Variants in STK38L observed in about 807,000 individuals in gnomAD.
STK38L encodes serine/threonine-protein kinase 38-like.
In STK38L, 28 loss-of-function variants were observed where a neutral mutation model predicts 59.7. That is an observed-to-expected ratio of 0.47 (90% CI 0.35 to 0.64). The LOEUF is 0.64. Ranked by LOEUF, STK38L falls within the 30% of genes least tolerant of loss-of-function variation. The pLI is 0.01. For missense variants in STK38L, 314 were observed against 555.8 expected, an observed-to-expected ratio of 0.56 and a Z score of 4.37; for synonymous variants, 162 against 176.8, an observed-to-expected ratio of 0.92 and a Z score of 0.66.
At chr12:27,301,170 A>G (rs574390100) in intron 2 of STK38L, among the ~76,000 whole-genome samples, 13 of 152,360 alleles carry the variant, frequency 8.5e-5, no homozygotes, top group African/African-American at 2.6e-4. Flanking sequence ...CAGCTTAACT[A>G]ACTTCAAGGG....
At chr12:27,316,688 A>G (rs1051629300) in intron 9 of STK38L, among the ~76,000 whole-genome samples, 2 of 152,238 alleles carry the variant, frequency 1.3e-5, no homozygotes, top group African/African-American at 4.8e-5. Context: ...AAGATTTTAT[A>G]TGAATTAAGA....
chr12:27,282,457 G>T (rs1221370984), intron 1 of STK38L, among the ~76,000 whole-genome samples: 2 of 152,010 alleles, frequency 1.3e-5, no homozygotes, highest in Non-Finnish European at 2.9e-5. Flanking sequence ...GCTTACAAAA[G>T]AAATAGTTAC....
intron 3 of STK38L, among the ~76,000 whole-genome samples, chr12:27,304,434 T>C (rs1307499865): frequency 6.6e-6 from 1 of 152,122 alleles, no homozygotes; most frequent in Non-Finnish European, 1.5e-5. Context: ...ATACTAAAGG[T>C]GGTAACTTTG....
chr12:27,277,062 T>C (rs1943551577), intron 1 of STK38L, among the ~76,000 whole-genome samples: 1 of 152,204 alleles, frequency 6.6e-6, no homozygotes, highest in Non-Finnish European at 1.5e-5. Context: ...TCTAAATATG[T>C]ATAACCCACC....
chr12:27,250,728 C>T (rs1254736531), intron 1 of STK38L, among the ~76,000 whole-genome samples: 5 of 151,922 alleles, frequency 3.3e-5, no homozygotes, highest in Non-Finnish European at 5.9e-5. Flanking sequence ...AGGCCGGGCG[C>T]GGTGACTCAC....
chr12:27,275,792 G>GTGTA (rs1943522812), intron 1 of STK38L, among the ~76,000 whole-genome samples: 1 of 152,172 alleles, frequency 6.6e-6, no homozygotes, highest in African/African-American at 2.4e-5. Context: ...TATGGTCACA[G>GTGTA]TGTACCATTA....
intron 1 of STK38L, among the ~76,000 whole-genome samples, chr12:27,269,392 T>G (rs1000904213): frequency 6.6e-6 from 1 of 152,226 alleles, no homozygotes; most frequent in Admixed American, 6.5e-5. Flanking sequence ...TTTCCCCATT[T>G]CTTGTTTTTG....
At chr12:27,316,690 G>A (rs886174723) in intron 9 of STK38L, among the ~76,000 whole-genome samples, 5 of 152,148 alleles carry the variant, frequency 3.3e-5, no homozygotes, top group Admixed American at 3.3e-4. Context: ...GATTTTATAT[G>A]AATTAAGAAT....
chr12:27,270,808 C>G (rs1943407647), intron 1 of STK38L, among the ~76,000 whole-genome samples: 1 of 152,192 alleles, frequency 6.6e-6, no homozygotes, highest in South Asian at 2.1e-4. Context: ...ACCACCATGC[C>G]TGGCTTGAAT....
In STK38L at chr12:27,324,446, A is replaced by G. The variant is rs764081639; in HGVS notation, c.*1991A>G. ...AATTGCAACATTGTCTAGTTCTAGT[A>G]TGGTAACTATTCTTGAAATGGTATT... On this transcript the variant is annotated 3_prime_UTR_variant, in exon 14 of 14. Transcript: ENST00000389032. 2.6e-5 allele frequency: 4 copies of G among 152,096 alleles called. No homozygotes were observed. Among genetic ancestry groups the G allele is most frequent in the Non-Finnish European group, 4.4e-5 (3 of 67,962 alleles). 9.4% of individuals were successfully genotyped at this position (152,096 alleles called of 1,614,324 possible).
At position 27,302,138 on chromosome 12, in the gene STK38L, C is replaced by A; in HGVS notation, c.136C>A (p.Gln46Lys). ...ILQHEERETR[Q>K]KKLEVAMEEE... Reference sequence around the variant, plus strand: ...TTAATTTTTTTTTCCTTTGAAAAGGCAGAAGAAATTAGAAGTGGCCATGGA... The same window carrying A: ...TTAATTTTTTTTTCCTTTGAAAAGGAAGAAGAAATTAGAAGTGGCCATGGA... Residue 46 changes from glutamine (Q) to lysine (K), a missense_variant and splice_region_variant, in exon 3 of 14, where the codon CAG becomes AAG. Around this residue, in one of 3 missense-constraint regions of STK38L, gnomAD observed 192 missense variants for 316.9 expected, o/e 0.61. Transcript: ENST00000389032. 1 of 1,598,894 alleles carries A rather than the reference C, an allele frequency of 6.3e-7. No individual in the cohort carries two copies.
At chr12:27,252,736 T>C (rs1290401832) in intron 1 of STK38L, among the ~76,000 whole-genome samples, 2 of 152,166 alleles carry the variant, frequency 1.3e-5, no homozygotes, top group Non-Finnish European at 2.9e-5. Context: ...GAGTGGAAAA[T>C]TTTAGTACTG....
chr12:27,306,535 G>A (rs1336027882), intron 3 of STK38L, among the ~76,000 whole-genome samples: 1 of 151,710 alleles, frequency 6.6e-6, no homozygotes, highest in African/African-American at 2.4e-5. Context: ...TGCAAAAAAG[G>A]GTATTTGTCA....
intron 1 of STK38L, among the ~76,000 whole-genome samples, chr12:27,267,223 G>A (rs568385492): frequency 1.3e-5 from 2 of 152,112 alleles, no homozygotes; most frequent in South Asian, 4.2e-4. Context: ...TGTCACATAT[G>A]AGAATATAAA....
At chr12:27,272,280 T>C (rs1159878437) in intron 1 of STK38L, among the ~76,000 whole-genome samples, 3 of 152,220 alleles carry the variant, frequency 2.0e-5, no homozygotes, top group African/African-American at 7.2e-5. Flanking sequence ...CCGTTTTGAG[T>C]AGAATTAGCA....
chr12:27,279,758 G>GC (rs1405216728), intron 1 of STK38L, among the ~76,000 whole-genome samples: 3 of 145,962 alleles, frequency 2.1e-5, no homozygotes, highest in Admixed American at 2.1e-4. Context: ...TGAGGTGGTT[G>GC]TTTTTCCACA....
At chr12:27,296,455 A>G (rs1170832349) in intron 1 of STK38L, among the ~76,000 whole-genome samples, 1 of 152,234 alleles carries the variant, frequency 6.6e-6, no homozygotes, top group Non-Finnish European at 1.5e-5. Flanking sequence ...TTTGCCATAG[A>G]TAATTGTTTG....
chr12:27,317,445 T>C lies in STK38L; in HGVS notation c.947T>C (p.Met316Thr), dbSNP rs1227178811. ...WWSLGVIMYEMLIGYPPFCSE... is the reference protein window; with the variant it reads ...WWSLGVIMYETLIGYPPFCSE... ...TCTTTGGGAGTGATTATGTATGAAA[T>C]GCTAATAGGTATGTTTTATCATTCA... Residue 316 changes from methionine (M) to threonine (T), a missense_variant, in exon 10 of 14, where the codon ATG becomes ACG. Coordinates refer to ENST00000389032, the MANE Select transcript of STK38L (RefSeq NM_015000.4). 2 of 1,600,772 alleles carry C rather than the reference T, an allele frequency of 1.2e-6. No homozygotes were observed. Among genetic ancestry groups the C allele is most frequent in the Non-Finnish European group, 8.5e-7 (1 of 1,172,368 alleles).
chr12:27,299,068 AAC>A (rs1435415421), intron 2 of STK38L, among the ~76,000 whole-genome samples: 4 of 152,226 alleles, frequency 2.6e-5, no homozygotes, highest in Non-Finnish European at 4.4e-5. Context: ...TGACAACAAC[AAC>A]AGAGAACTGA....
Sources: allele counts gnomAD v4.1 joint callset (sites outside exome capture counted in the v4.1 genomes callset), GRCh38; gene constraint gnomAD v4.1.1; regional missense constraint gnomAD v4.1.1; transcripts MANE v1.5; gene names NCBI Gene and HGNC (gene_info 2026-07-23, HGNC 2026-07-21).